ETFDH: variants seen among roughly 807,000 people sequenced by gnomAD.
ETFDH encodes electron transfer flavoprotein dehydrogenase.
Under a neutral mutation model 73.2 loss-of-function variants are expected in ETFDH, and 61 were observed. That is an observed-to-expected ratio of 0.83 (90% confidence interval 0.68 to 1.03). ETFDH has a LOEUF of 1.03. Ranked by LOEUF, ETFDH falls within the 50% of genes least tolerant of loss-of-function variation. The pLI, the probability that ETFDH is intolerant of heterozygous loss-of-function variation, is 0.00. For missense variants in ETFDH, 685 were observed against 745.0 expected, an observed-to-expected ratio of 0.92 and a Z score of 0.94; for synonymous variants, 243 against 253.3, an observed-to-expected ratio of 0.96 and a Z score of 0.39.
intron 2 of ETFDH, among the ~76,000 whole-genome samples, 161 bp downstream of exon 2, chr4:158,680,768 C>T (rs1773834895): frequency 1.3e-5 from 2 of 152,162 alleles, no homozygotes; most frequent in Admixed American, 6.5e-5. Flanking sequence ...GTCAACAACA[C>T]GACAATTATA....
chr4:158,676,410 C>A (rs148840545), intron 1 of ETFDH, among the ~76,000 whole-genome samples: 4 of 152,216 alleles, frequency 2.6e-5, no homozygotes, highest in African/African-American at 9.6e-5. Context: ...TCCCCAGGAG[C>A]AATTTGGGAA....
chr4:158,677,490 G>T (rs972433659), intron 1 of ETFDH, among the ~76,000 whole-genome samples: 1 of 152,180 alleles, frequency 6.6e-6, no homozygotes, highest in Admixed American at 6.5e-5. Flanking sequence ...ATCTCTCCTA[G>T]ATCAGGAAAA....
intron 2 of ETFDH, among the ~76,000 whole-genome samples, chr4:158,681,063 A>C (rs1190677752): frequency 6.6e-6 from 1 of 152,104 alleles, no homozygotes; most frequent in Non-Finnish European, 1.5e-5. Context: ...TTTTTTTAAA[A>C]AGTTAACTGT....
chr4:158,678,035 T>A lies in ETFDH; in HGVS notation c.35-2432T>A, dbSNP rs1212781562. ...TTTAACTTTTTATCTTGAAATAGTT[T>A]TAGATTTACAGATAAGTTGCAAAAA... On this transcript the variant is annotated intron_variant, in intron 1 of 12. Transcript: ENST00000511912. Among the ~76,000 whole-genome samples the A allele has an allele frequency of 3.3e-5, 5 of 152,234 alleles. No individual in the cohort carries two copies. In the East Asian group the frequency reaches 7.7e-4, roughly 23 times the overall value.
chr4:158,684,974 G>A (rs569952100), intron 4 of ETFDH, 127 bp from the exon 5 acceptor site: 10 of 666,792 alleles, frequency 1.5e-5, no homozygotes, highest in South Asian at 1.4e-4. Context: ...AAAATAAGTT[G>A]AAAGTGTGAC....
At chr4:158,673,903 T>C (rs1020258733) in intron 1 of ETFDH, among the ~76,000 whole-genome samples, 22 of 152,228 alleles carry the variant, frequency 1.4e-4, no homozygotes, top group African/African-American at 5.3e-4. Flanking sequence ...CAGTGGACTT[T>C]GTGACTTCTC....
At chr4:158,702,554 G>C (rs764053323) in intron 9 of ETFDH, among the ~76,000 whole-genome samples, 23 of 151,250 alleles carry the variant, frequency 1.5e-4, no homozygotes, top group Admixed American at 7.3e-4. Context: ...TTCCATATAT[G>C]AGTGAGAACA....
intron 1 of ETFDH, among the ~76,000 whole-genome samples, chr4:158,675,807 G>A (rs944194130): frequency 5.9e-5 from 9 of 151,446 alleles, no homozygotes; most frequent in Admixed American, 2.6e-4. Flanking sequence ...ACATTCATGT[G>A]CAAGTTTTTG....
rs1554033416 is a variant in ETFDH at position 158,706,250 on chromosome 4, T to C, written c.1347T>C (p.Tyr449=). 6.2e-7 allele frequency: 1 copy of C among 1,612,346 alleles called. No individual in the cohort carries two copies. Among genetic ancestry groups the C allele is most frequent in the Non-Finnish European group, 8.5e-7 (1 of 1,178,312 alleles). ...ACTCATGGGTATGGAAAGAGCTATATTCTGTTAGAAATATAAGACCGTCCT... is the reference window on the plus strand; with the variant it reads ...ACTCATGGGTATGGAAAGAGCTATACTCTGTTAGAAATATAAGACCGTCCT... The part of the protein sequence containing the change: ...LKNSWVWKEL[Y]SVRNIRPSCH... The change falls in exon 11 of 13, where the codon TAT becomes TAC. Residue 449 remains tyrosine, a synonymous_variant. Transcript: ENST00000511912.
intron 8 of ETFDH, among the ~76,000 whole-genome samples, chr4:158,698,602 T>C (rs1011652029): frequency 6.6e-6 from 1 of 152,182 alleles, no homozygotes; most frequent in Non-Finnish European, 1.5e-5. Flanking sequence ...GCTCCTTTCA[T>C]AGAAACATAA....
Position 158,682,244 on chromosome 4 carries a change from T to G in ETFDH, c.225T>G (p.Gly75=), listed in dbSNP as rs765429650. The change falls in exon 3 of 13, where the codon GGT becomes GGG. Residue 75 remains glycine, a synonymous_variant. Coordinates refer to ENST00000511912, the MANE Select transcript of ETFDH (RefSeq NM_004453.4). ...FAEEADVVIV[G]AGPAGLSAAV... is the part of the protein sequence containing the mutation. Reference sequence around the variant, plus strand: ...AAGAAGCAGATGTTGTAATAGTTGGTGCAGGCCCTGCAGGGCTCTCTGCAG... The same window carrying G: ...AAGAAGCAGATGTTGTAATAGTTGGGGCAGGCCCTGCAGGGCTCTCTGCAG... 1 of 1,614,080 alleles carries G rather than the reference T, an allele frequency of 6.2e-7. No individual in the cohort carries two copies. Among genetic ancestry groups the G allele is most frequent in the Non-Finnish European group, 8.5e-7 (1 of 1,180,030 alleles).
intron 3 of ETFDH, 113 bp from the exon 4 acceptor site, chr4:158,684,479 T>A: frequency 3.2e-6 from 2 of 627,926 alleles, no homozygotes; most frequent in East Asian, 2.9e-5. Context: ...CAAAAGAAAA[T>A]TAGGGGGGAG....
Position 158,703,550 on chromosome 4 carries a change from T to C in ETFDH, c.1244T>C (p.Phe415Ser), listed in dbSNP as rs1050622882. The C allele has an allele frequency of 3.7e-6, 6 of 1,608,582 alleles. No individual in the cohort carries two copies. Among genetic ancestry groups the C allele is most frequent in the Admixed American group, 3.3e-5 (2 of 59,992 alleles). The change falls in exon 10 of 13, where the codon TTT (phenylalanine) becomes TCT (serine). Residue 415 changes from phenylalanine to serine, a missense_variant. By Grantham distance (155) the Phe-to-Ser change is radical. This residue lies in a region of ETFDH where 79 missense variants were observed against 120.5 expected (regional missense o/e 0.66). Coordinates refer to ENST00000511912, the MANE Select transcript of ETFDH (RefSeq NM_004453.4). The stretch of plus-strand genomic sequence containing the variant: ...GGAATTTTAGCAGCAGAATCTATTT[T>C]TAATCAACTAACTAGTGAAAATCTC... Reference protein sequence around the residue: ...KSGILAAESIFNQLTSENLQS... With the variant: ...KSGILAAESISNQLTSENLQS...
At chr4:158,692,399 C>CAAAAAAAA (rs35615738) in intron 6 of ETFDH, among the ~76,000 whole-genome samples, 3 of 91,460 alleles carry the variant, frequency 3.3e-5, no homozygotes, top group African/African-American at 4.6e-5. Flanking sequence ...GACACCGTCT[C>CAAAAAAAA]AAAAAAAAAA....
Position 158,703,518 on chromosome 4 carries a change from GA to G in ETFDH, c.1216del (p.Ser406ValfsTer4). ...AGATCAAAGGTACTCACACAGCAAT[GA>G]AAAGTGGAATTTTAGCAGCAGAATC... ...PKIKGTHTAM[K>X]SGILAAESIF... On this transcript the variant is annotated frameshift_variant, in exon 10 of 13. Transcript: ENST00000511912. LOFTEE classifies it high-confidence loss of function. The G allele has an allele frequency of 6.2e-7, 1 of 1,609,602 alleles. No homozygotes were observed. Among genetic ancestry groups the G allele is most frequent in the Non-Finnish European group, 8.5e-7 (1 of 1,176,014 alleles).
chr4:158,672,567 C>A (rs936633107), intron 1 of ETFDH, 77 bp downstream of exon 1: 1 of 1,380,596 alleles, frequency 7.2e-7, no homozygotes, highest in Non-Finnish European at 1.0e-6. Flanking sequence ...GGGCTGTAGG[C>A]ACCTCTCGCC....
intron 1 of ETFDH, 58 bp from the exon 2 acceptor site, chr4:158,680,409 A>T: frequency 8.1e-7 from 1 of 1,238,110 alleles, no homozygotes; most frequent in Non-Finnish European, 1.2e-6. Flanking sequence ...ATATTTTTTC[A>T]GTCTACTGAG....
At chr4:158,708,213 C>CA in intron 12 of ETFDH, 151 bp from the exon 13 acceptor site, 3 of 618,106 alleles carry the variant, frequency 4.9e-6, no homozygotes, top group Non-Finnish European at 2.8e-6. Flanking sequence ...ACATCAATAG[C>CA]AATGCACCAA....
At chr4:158,708,306 T>C (rs1465713493) in intron 12 of ETFDH, 58 bp from the exon 13 acceptor site, 1 of 1,357,004 alleles carries the variant, frequency 7.4e-7, no homozygotes, top group African/African-American at 1.5e-5. Context: ...TTTTTACTTT[T>C]GAATTTAAAA....
Sources: allele counts gnomAD v4.1 joint callset (sites outside exome capture counted in the v4.1 genomes callset), GRCh38; gene constraint gnomAD v4.1.1; regional missense constraint gnomAD v4.1.1; transcripts MANE v1.5; gene names NCBI Gene and HGNC (gene_info 2026-07-23, HGNC 2026-07-21).